Variants in MAPKBP1 observed in about 807,000 individuals in gnomAD.
MAPKBP1 encodes mitogen-activated protein kinase binding protein 1, also known as mitogen-activated protein kinase-binding protein 1.
A neutral mutation model predicts 170.5 loss-of-function variants in MAPKBP1; 71 were observed. The observed-to-expected ratio is 0.42, with a 90% CI of 0.34 to 0.51. The LOEUF (loss-of-function observed/expected upper bound fraction) is 0.51, where lower values mean the gene tolerates loss of function less well. MAPKBP1 is among the 20% of genes least tolerant of loss of function. The probability of loss-of-function intolerance (pLI) is 0.06; values close to 1 mark genes in which losing one functional copy is unlikely to be tolerated. For missense variants in MAPKBP1, 1,598 were observed against 1,933.0 expected (o/e 0.83, Z 3.25); for synonymous variants, 719 against 757.9 (o/e 0.95, Z 0.84).
chr15:41,790,188 T>G (rs1168484235), intron 2 of MAPKBP1, among the ~76,000 whole-genome samples: 2 of 152,218 alleles, frequency 1.3e-5, no homozygotes. Flanking sequence ...GTACCCCCGG[T>G]GCGTTCTTGT....
In MAPKBP1 at chr15:41,821,647, T is replaced by TTGTC. The variant is rs1476033070; in HGVS notation, c.2783_2786dup (p.Gln930ValfsTer17). 1 of 1,614,128 alleles carries TTGTC rather than the reference T, an allele frequency of 6.2e-7. No individual in the cohort carries two copies. On this transcript the variant is annotated frameshift_variant, in exon 24 of 31. Transcript: ENST00000457542. LOFTEE classifies it high-confidence loss of function. The stretch of plus-strand genomic sequence containing the variant: ...TTCCTATCCCCATATTATCCGATTA[T>TTGTC]TGTCACAAGAGGAAGGGGTCTTTGC...
rs2065077659 is a variant in MAPKBP1 at position 41,825,620 on chromosome 15, G to C, written c.*184G>C. 1 of 538,080 alleles carries C rather than the reference G, an allele frequency of 1.9e-6. No individual in the cohort carries two copies. The highest frequency in any genetic ancestry group is 3.3e-6 in the Non-Finnish European group (1 of 307,544). 33.3% of individuals were successfully genotyped at this position (538,080 alleles called of 1,614,324 possible). ...TATTTATTAATTTATTTCCCTGACT[G>C]TTGCCTCACTTCCTTGGAACTCCTG... On this transcript the variant is annotated 3_prime_UTR_variant, in exon 31 of 31. Coordinates refer to ENST00000457542, the MANE Select transcript of MAPKBP1 (RefSeq NM_014994.3).
At chr15:41,824,917 T>C (rs796347820) in intron 30 of MAPKBP1, among the ~76,000 whole-genome samples, 18 of 152,278 alleles carry the variant, frequency 1.2e-4, no homozygotes, top group African/African-American at 4.1e-4. Context: ...CCCTTAGACA[T>C]AGGGGACAGT....
Position 41,823,475 on chromosome 15 carries a change from T to C in MAPKBP1, c.3627T>C (p.Pro1209=). 6.2e-7 allele frequency: 1 copy of C among 1,613,606 alleles called. No homozygotes were observed. The highest frequency in any genetic ancestry group is 1.7e-5 in the Admixed American group (1 of 59,996). The change falls in exon 29 of 31, where the codon CCT becomes CCC. Residue 1209 remains proline, a synonymous_variant. Transcript: ENST00000457542. The part of the protein sequence containing the change: ...QERHEASLQA[P]SPGALLSREI... ...GACATGAGGCCAGTCTGCAGGCCCC[T>C]TCACCAGGCGCACTGCTGTCTCGGG...
At chr15:41,782,302 A>G (rs1040549320) in intron 2 of MAPKBP1, among the ~76,000 whole-genome samples, 3 of 151,578 alleles carry the variant, frequency 2.0e-5, no homozygotes, top group African/African-American at 7.3e-5. Context: ...AGACATTAAG[A>G]GAGTGTACAA....
chr15:41,807,476 C>T (rs1166254053), intron 3 of MAPKBP1, among the ~76,000 whole-genome samples: 2 of 152,202 alleles, frequency 1.3e-5, no homozygotes, highest in East Asian at 1.9e-4. Flanking sequence ...GATTATGCAT[C>T]GAGTCAATTC....
At position 41,819,200 on chromosome 15, in the gene MAPKBP1, C is replaced by T. The variant is rs770458339; in HGVS notation, c.2292-46C>T. 5 of 1,604,572 alleles carry T rather than the reference C, an allele frequency of 3.1e-6. No homozygotes were observed. In the African/African-American group the frequency reaches 5.4e-5, roughly 17 times the overall value. Reference sequence around the variant, plus strand: ...CTTCCCCCACTGAGCCTCCTCTCCCCCTATTGAGTCTCCTCTCCCCATGCC... The same window carrying T: ...CTTCCCCCACTGAGCCTCCTCTCCCTCTATTGAGTCTCCTCTCCCCATGCC... On this transcript the variant is annotated intron_variant, in intron 20 of 30. Transcript: ENST00000457542.
At chr15:41,795,799 C>A (rs1041409896) in intron 2 of MAPKBP1, among the ~76,000 whole-genome samples, 1 of 152,004 alleles carries the variant, frequency 6.6e-6, no homozygotes, top group Non-Finnish European at 1.5e-5. Context: ...TTATTAGAGA[C>A]GGGGTTTCAC....
At chr15:41,810,403 G>A (rs1170152849) in intron 3 of MAPKBP1, among the ~76,000 whole-genome samples, 4 of 152,192 alleles carry the variant, frequency 2.6e-5, no homozygotes, top group African/African-American at 9.6e-5. Flanking sequence ...GGGAAAAGGA[G>A]CAAGAACAGG....
At chr15:41,807,518 C>T (rs914161407) in intron 3 of MAPKBP1, among the ~76,000 whole-genome samples, 38 of 152,294 alleles carry the variant, frequency 2.5e-4, no homozygotes, top group African/African-American at 9.1e-4. Flanking sequence ...AAGCCCTTTA[C>T]TGTGGTTCCT....
At chr15:41,777,266 G>A (rs567358623) in intron 2 of MAPKBP1, among the ~76,000 whole-genome samples, 2 of 151,940 alleles carry the variant, frequency 1.3e-5, no homozygotes, top group East Asian at 3.9e-4. Flanking sequence ...GCCTGAACCC[G>A]GGAGGCTGAG....
Position 41,825,264 on chromosome 15 carries a change from G to A in MAPKBP1, c.4355G>A (p.Arg1452Lys). Residue 1452 changes from arginine to lysine, a missense_variant, in exon 31 of 31, where the codon AGA (arginine) becomes AAA (lysine). Physicochemically the swap from Arg to Lys is conservative, Grantham distance 26 (BLOSUM62 2). Coordinates refer to ENST00000457542, the MANE Select transcript of MAPKBP1 (RefSeq NM_014994.3). The stretch of plus-strand genomic sequence containing the variant: ...CAAAGTCGGATTGCCCAGCTCCTCA[G>A]AGACACCTTCTCTTCAGTGCGACAG... ...AEQSRIAQLL[R>K]DTFSSVRQEL... is the part of the protein sequence containing the mutation. 1 of 1,607,898 alleles carries A rather than the reference G, an allele frequency of 6.2e-7. No homozygotes were observed. The highest frequency in any genetic ancestry group is 8.5e-7 in the Non-Finnish European group (1 of 1,175,204).
rs1008674545 is a variant in MAPKBP1, at chr15:41,774,554, G to C, written c.-166G>C. ...CGGCTACCGCGGCGGAGCTGAAATT[G>C]CCGAACGCGATGCCCGAGGGCGCTG... On this transcript the variant is annotated 5_prime_UTR_variant, in exon 1 of 31. Transcript: ENST00000457542. The C allele has an allele frequency of 2.0e-5, 8 of 398,554 alleles. No individual in the cohort carries two copies. In the Admixed American group the frequency reaches 3.5e-4, roughly 18 times the overall value. 24.7% of individuals were successfully genotyped at this position (398,554 alleles called of 1,614,324 possible).
At chr15:41,811,898 T>G in intron 5 of MAPKBP1, 59 bp from the exon 6 acceptor site, 1 of 1,575,498 alleles carries the variant, frequency 6.3e-7, no homozygotes, top group Non-Finnish European at 8.7e-7. Context: ...GAAGACGAAG[T>G]GGGGCTGTAT....
In MAPKBP1 at chr15:41,818,208, C is replaced by G. The variant is rs776960577; in HGVS notation, c.1995C>G (p.Pro665=). The part of the protein sequence containing the change: ...DGTLIKVQTD[P]SGIYIATSCS... ...CTACTCCTCAGGTGCAGACAGACCC[C>G]TCAGGGATCTACATTGCCACCAGCT... is the stretch of plus-strand genomic sequence containing the variant. Residue 665 remains proline, a synonymous_variant, in exon 18 of 31, where the codon CCC becomes CCG. Transcript: ENST00000457542. This position sits in a 1 kb window ranked among gnomAD's most constrained non-coding sequence, Gnocchi z 5.2. The G allele has an allele frequency of 6.2e-7, 1 of 1,614,106 alleles. No homozygotes were observed. The highest frequency in any genetic ancestry group is 2.2e-5 in the East Asian group (1 of 44,874).
At chr15:41,820,793 G>T (rs2064981398) in intron 22 of MAPKBP1, 39 bp from the exon 23 acceptor site, 1 of 1,465,942 alleles carries the variant, frequency 6.8e-7, no homozygotes, top group East Asian at 2.3e-5. Flanking sequence ...TTACTGTGTG[G>T]TTGTTGTTAC....
chr15:41,799,709 A>G, intron 2 of MAPKBP1, 114 bp from the exon 3 acceptor site: 1 of 749,312 alleles, frequency 1.3e-6, no homozygotes, highest in Non-Finnish European at 2.3e-6. Flanking sequence ...ATTCTCCTGA[A>G]AACATGGGTG....
Position 41,825,700 on chromosome 15 carries a change from G to C in MAPKBP1, c.*264G>C. 2 of 406,648 alleles carry C rather than the reference G, an allele frequency of 4.9e-6. No individual in the cohort carries two copies. Among genetic ancestry groups the C allele is most frequent in the Non-Finnish European group, 8.9e-6 (2 of 225,546 alleles). 25.2% of individuals were successfully genotyped at this position (406,648 alleles called of 1,614,324 possible). ...GGTCTTGGGTCTTTGTCATCTTGGTGCTGTGAGAGGTAGGAGGGCAGCCTG... is the reference window on the plus strand; with the variant it reads ...GGTCTTGGGTCTTTGTCATCTTGGTCCTGTGAGAGGTAGGAGGGCAGCCTG... On this transcript the variant is annotated 3_prime_UTR_variant, in exon 31 of 31. Coordinates refer to ENST00000457542, the MANE Select transcript of MAPKBP1 (RefSeq NM_014994.3).
At chr15:41,819,547 C>CGGGGT (rs1555454020) in intron 21 of MAPKBP1, 48 bp from the exon 22 acceptor site, 36 of 1,235,876 alleles carry the variant, frequency 2.9e-5, no homozygotes, top group Non-Finnish European at 3.6e-5. Context: ...GGTTGGGTGG[C>CGGGGT]GGGGGGGGGG....
Sources: gnomAD v4.1 joint callset for allele counts (sites outside exome capture counted in the v4.1 genomes callset) on GRCh38, gnomAD v4.1.1 for gene constraint, Gnocchi (gnomAD v3.1) non-coding constraint, MANE v1.5 for transcripts, NCBI Gene and HGNC (gene_info 2026-07-23, HGNC 2026-07-21) for gene names.